Variants in PDCD11 observed in about 807,000 individuals in gnomAD.
The protein encoded by PDCD11 is protein RRP5 homolog.
Under a neutral mutation model 198.9 loss-of-function variants are expected in PDCD11, and 97 were observed. That is an observed-to-expected ratio of 0.49 (90% CI 0.41 to 0.58). The LOEUF (loss-of-function observed/expected upper bound fraction) is 0.58. Ranked by LOEUF, PDCD11 falls within the 20% of genes least tolerant of loss-of-function variation. PDCD11 has a pLI of 0.00. For missense variants in PDCD11, 2,102 were observed against 2,312.7 expected (o/e 0.91, Z 1.87); for synonymous variants, 893 against 918.0 (o/e 0.97, Z 0.49).
chr10:103,404,997 G>A, intron 4 of PDCD11, 25 bp from the exon 5 acceptor site: 3 of 1,610,376 alleles, frequency 1.9e-6, no homozygotes, highest in Non-Finnish European at 2.5e-6. Flanking sequence ...GTGTATATCA[G>A]GTCTTTCTCA....
chr10:103,421,182 G>C (rs2031401309), intron 16 of PDCD11, among the ~76,000 whole-genome samples, 166 bp from the exon 17 acceptor site: 1 of 152,176 alleles, frequency 6.6e-6, no homozygotes, highest in African/African-American at 2.4e-5. Flanking sequence ...CCAATCCGGA[G>C]GCTCTGTTTT....
intron 9 of PDCD11, 99 bp downstream of exon 9, chr10:103,413,421 TA>T: frequency 1.0e-6 from 1 of 967,098 alleles, no homozygotes; most frequent in Non-Finnish European, 1.6e-6. Context: ...GATGCTAGTT[TA>T]AAATTTTTGG....
chr10:103,414,943 G>T, intron 11 of PDCD11, 62 bp from the exon 12 acceptor site: 1 of 1,586,612 alleles, frequency 6.3e-7, no homozygotes, highest in Non-Finnish European at 8.7e-7. Flanking sequence ...ATGCCTTGTT[G>T]TAAGAGGTGG....
rs2031108647 is a variant in PDCD11, at chr10:103,416,388, G to T, written c.1519-103G>T. 2.1e-5 allele frequency: 25 copies of T among 1,171,718 alleles called. 1 individual carries two copies. In the South Asian group the frequency reaches 3.3e-4, roughly 15 times the overall value. 72.6% of individuals were successfully genotyped at this position (1,171,718 alleles called of 1,614,324 possible). A position where few individuals can be genotyped will look rare whatever the true frequency, so the allele number is the denominator to read the frequency against. The stretch of plus-strand genomic sequence containing the variant: ...AGAGGAAAAGCTATAGCAGGTTCTT[G>T]GGGAATGGCCCCGTGGCTTTTGGGT... On this transcript the variant is annotated intron_variant, in intron 12 of 35. Coordinates refer to ENST00000369797, the MANE Select transcript of PDCD11 (RefSeq NM_014976.2).
At chr10:103,443,839 T>C in intron 33 of PDCD11, 76 bp from the exon 34 acceptor site, 1 of 1,450,354 alleles carries the variant, frequency 6.9e-7, no homozygotes, top group Non-Finnish European at 9.6e-7. Context: ...TAGCTTCTTG[T>C]GAGTGTTGCT....
intron 25 of PDCD11, among the ~76,000 whole-genome samples, chr10:103,435,208 T>G (rs957882744): frequency 6.6e-6 from 1 of 152,092 alleles, no homozygotes; most frequent in Admixed American, 6.5e-5. Context: ...AATAATAGAA[T>G]ATCATTTGAT....
chr10:103,419,456 CCTT>C (rs1286433383), intron 15 of PDCD11, 79 bp from the exon 16 acceptor site: 1 of 1,466,632 alleles, frequency 6.8e-7, no homozygotes, highest in Non-Finnish European at 9.3e-7. Flanking sequence ...GCAGTTCTGT[CCTT>C]CTCTGTGGAG....
chr10:103,434,659 C>T, intron 24 of PDCD11, 139 bp from the exon 25 acceptor site: 7 of 658,098 alleles, frequency 1.1e-5, no homozygotes, highest in Non-Finnish European at 1.8e-5. Flanking sequence ...TGATCTCAGT[C>T]TAGATGGTTC....
chr10:103,419,763 CTGAGGG>C, intron 16 of PDCD11, 55 bp downstream of exon 16: 1 of 1,525,468 alleles, frequency 6.6e-7, no homozygotes, highest in Non-Finnish European at 9.0e-7. Context: ...GTCACAGAAC[CTGAGGG>C]CGGGTAGGGA....
chr10:103,437,460 G>C (rs1381357655), intron 25 of PDCD11, among the ~76,000 whole-genome samples: 3 of 151,792 alleles, frequency 2.0e-5, no homozygotes, highest in Non-Finnish European at 4.4e-5. Context: ...CCCTTGTTAG[G>C]TAAGAAGAGT....
intron 1 of PDCD11, 76 bp from the exon 2 acceptor site, chr10:103,398,340 C>A: frequency 1.1e-6 from 1 of 878,536 alleles, no homozygotes; most frequent in South Asian, 1.4e-5. Context: ...CGTTCTGTCT[C>A]TTGCCCGTTG....
At chr10:103,429,549 C>T (rs1200005915) in intron 21 of PDCD11, among the ~76,000 whole-genome samples, 1 of 149,640 alleles carries the variant, frequency 6.7e-6, no homozygotes, top group Middle Eastern at 3.3e-3. Context: ...CCATCTTCTC[C>T]CCATGTCTTC....
Position 103,440,726 on chromosome 10 carries a change from C to T in PDCD11, c.4441-8C>T, listed in dbSNP as rs1294196358. ...TGCTCCTAGGCATTCTCCCACCTGG[C>T]CTCTCAGGAAAGAGTGAGCAAGAAG... On this transcript the variant is annotated splice_region_variant and splice_polypyrimidine_tract_variant and intron_variant, in intron 29 of 35. Coordinates refer to ENST00000369797, the MANE Select transcript of PDCD11 (RefSeq NM_014976.2). 1 of 1,613,960 alleles carries T rather than the reference C, an allele frequency of 6.2e-7. No individual in the cohort carries two copies. The highest frequency in any genetic ancestry group is 8.5e-7 in the Non-Finnish European group (1 of 1,179,904).
chr10:103,403,380 A>G, intron 4 of PDCD11, 95 bp downstream of exon 4: 1 of 1,165,938 alleles, frequency 8.6e-7, no homozygotes, highest in Non-Finnish European at 1.2e-6. Flanking sequence ...AAGGGAAAGT[A>G]CAAGGTCCCG....
chr10:103,422,937 G>GT, intron 17 of PDCD11, 51 bp from the exon 18 acceptor site: 1 of 1,395,356 alleles, frequency 7.2e-7, no homozygotes. Flanking sequence ...GAAAAGAACA[G>GT]TGAGAGTTCT....
chr10:103,400,730 G>C (rs532735043), intron 3 of PDCD11, among the ~76,000 whole-genome samples: 85 of 152,170 alleles, frequency 5.6e-4, no homozygotes, highest in Middle Eastern at 3.4e-3. Flanking sequence ...ACCGATGCCA[G>C]GAATCTTTTC....
chr10:103,402,229 TTGTGTTGTC>T (rs910252115), intron 3 of PDCD11, among the ~76,000 whole-genome samples: 3 of 152,098 alleles, frequency 2.0e-5, no homozygotes, highest in African/African-American at 7.2e-5. Context: ...GCTTCCTTCA[TTGTGTTGTC>T]TGCCAGGCAT....
At chr10:103,445,259 G>T in intron 35 of PDCD11, 119 bp from the exon 36 acceptor site, 1 of 832,522 alleles carries the variant, frequency 1.2e-6, no homozygotes. Context: ...TGGTAGAAGT[G>T]GGAGTCCTGG....
chr10:103,425,180 T>C lies in PDCD11; in HGVS notation c.2960T>C (p.Val987Ala). ...ACCCTCAAGACCACAGAACCAGGAG[T>C]GACTGGCCTTCTTTTGGCTGTGGAG... ...SLTLKTTEPG[V>A]TGLLLAVEGP... Residue 987 changes from valine (V) to alanine (A), a missense_variant, in exon 20 of 36, where the codon GTG becomes GCG. Transcript: ENST00000369797. 2.5e-6 allele frequency: 4 copies of C among 1,613,566 alleles called. No individual in the cohort carries two copies. Among genetic ancestry groups the C allele is most frequent in the Non-Finnish European group, 3.4e-6 (4 of 1,179,918 alleles).
Sources: allele counts gnomAD v4.1 joint callset (sites outside exome capture counted in the v4.1 genomes callset), GRCh38; gene constraint gnomAD v4.1.1; transcripts MANE v1.5; gene names NCBI Gene and HGNC (gene_info 2026-07-23, HGNC 2026-07-21).